ZNF274: variants seen among roughly 807,000 people sequenced by gnomAD.
ZNF274 encodes the protein zinc finger protein 274.
In ZNF274, 23 loss-of-function variants were observed where a neutral mutation model predicts 42.5. That is an observed-to-expected ratio of 0.54 (90% CI 0.39 to 0.77). The LOEUF (loss-of-function observed/expected upper bound fraction) is 0.77, where lower values mean the gene tolerates loss of function less well. ZNF274 is among the 30% of genes least tolerant of loss of function. The pLI is 0.00. For synonymous variants in ZNF274, 292 were observed against 305.4 expected (o/e 0.96, Z 0.46); for missense variants, 679 against 806.5 (o/e 0.84, Z 1.91).
At chr19:58,184,707 A>C (rs899877222) in intron 2 of ZNF274, 1 of 152,132 alleles carries the variant, frequency 6.6e-6, no homozygotes, top group Non-Finnish European at 1.5e-5. Context: ...GGTGAAGGAG[A>C]TAGAAAGAAG....
chr19:58,185,807 G>T lies in ZNF274; in HGVS notation c.129G>T (p.Met43Ile). Residue 43 changes from methionine (M) to isoleucine (I), a missense_variant, in exon 3 of 8, where the codon ATG becomes ATT. Met to Ile is a conservative substitution (Grantham distance 10). Coordinates refer to ENST00000617501, the MANE Select transcript of ZNF274 (RefSeq NM_133502.3). ...LKQKSLYREVMLENYRNLVSV... is the reference protein window; with the variant it reads ...LKQKSLYREVILENYRNLVSV... ...AGAAGTCCCTGTACAGGGAAGTGAT[G>T]CTGGAGAACTACAGGAACCTGGTCT... 1 of 1,421,086 alleles carries T rather than the reference G, an allele frequency of 7.0e-7. No homozygotes were observed. Among genetic ancestry groups the T allele is most frequent in the Non-Finnish European group, 9.3e-7 (1 of 1,077,610 alleles). The allele number at this position is 1,421,086 out of a possible 1,614,324, so 88.0% of individuals were successfully genotyped here.
intron 5 of ZNF274, chr19:58,209,047 T>C (rs1009468227): frequency 6.6e-6 from 1 of 152,236 alleles, no homozygotes; most frequent in African/African-American, 2.4e-5. Context: ...AAGGAGAATT[T>C]ATTGGAAAAG....
chr19:58,204,025 C>G (rs2075949787), intron 4 of ZNF274, among the ~76,000 whole-genome samples: 1 of 152,206 alleles, frequency 6.6e-6, no homozygotes, highest in Admixed American at 6.5e-5. Flanking sequence ...TGGGCACCTC[C>G]AGCCAAACCT....
At chr19:58,209,442 G>T (rs564700971) in intron 5 of ZNF274, 5 of 152,806 alleles carry the variant, frequency 3.3e-5, no homozygotes, top group African/African-American at 9.6e-5. Context: ...CTTGGGCCAG[G>T]TGGAGCTGTT....
intron 2 of ZNF274, 163 bp downstream of exon 2, chr19:58,184,161 C>T (rs2075667315): frequency 5.4e-6 from 4 of 742,546 alleles, no homozygotes; most frequent in African/African-American, 1.8e-5. Flanking sequence ...ATGGTGGAAC[C>T]GCAGGTTGCT....
chr19:58,212,150 A>T lies in ZNF274; in HGVS notation c.980-11A>T, dbSNP rs769544872. 3.2e-6 allele frequency: 5 copies of T among 1,587,250 alleles called. No homozygotes were observed. The highest frequency in any genetic ancestry group is 4.3e-6 in the Non-Finnish European group (5 of 1,172,594). On this transcript the variant is annotated splice_polypyrimidine_tract_variant and intron_variant, in intron 7 of 7. Transcript: ENST00000617501. The surrounding 1 kb of genome is among the most constrained non-coding windows in gnomAD (Gnocchi z 4.6). The stretch of plus-strand genomic sequence containing the variant: ...TCTATGGGATCCACATCTTTTGTTT[A>T]TTTTTTTCAGGGTGGGAGACTACAC...
chr19:58,211,232 A>G lies in ZNF274; in HGVS notation c.853-328A>G, dbSNP rs966553154. On this transcript the variant is annotated intron_variant, in intron 6 of 7. Coordinates refer to ENST00000617501, the MANE Select transcript of ZNF274 (RefSeq NM_133502.3). This position sits in a 1 kb window ranked among gnomAD's most constrained non-coding sequence, Gnocchi z 4.8. ...CATTTCCACCAAGTGGGAAGACAGT[A>G]TTAATAGATGGAGAACCCTCTGCAG... 1 of 208,452 alleles carries G rather than the reference A, an allele frequency of 4.8e-6. No homozygotes were observed. Among genetic ancestry groups the G allele is most frequent in the Non-Finnish European group, 9.6e-6 (1 of 104,534 alleles). 12.9% of individuals were successfully genotyped at this position (208,452 alleles called of 1,614,324 possible).
chr19:58,209,621 C>CT (rs3830272), intron 5 of ZNF274: 96,323 of 190,654 alleles, frequency 0.51, 26,420 homozygotes, highest in Non-Finnish European at 0.59. Flanking sequence ...GGCTTTGACT[C>CT]TAAGGAGGGG....
At chr19:58,188,448 C>T (rs113840306) in intron 4 of ZNF274, among the ~76,000 whole-genome samples, 2,800 of 150,462 alleles carry the variant, frequency 0.019, 87 homozygotes, top group Admixed American at 0.069. Context: ...TGGTGAAACC[C>T]CATCTCTACT....
intron 4 of ZNF274, among the ~76,000 whole-genome samples, chr19:58,192,423 A>C (rs1367610794): frequency 2.0e-5 from 3 of 152,200 alleles, no homozygotes; most frequent in Non-Finnish European, 4.4e-5. Context: ...AGGTGGACTC[A>C]GTGGACCTAG....
In ZNF274 at chr19:58,183,879, A is replaced by T. The variant is rs2075662096; in HGVS notation, c.-45-42A>T. The T allele has an allele frequency of 3.6e-6, 5 of 1,376,600 alleles. No homozygotes were observed. In the East Asian group the frequency reaches 7.5e-5, roughly 21 times the overall value. 85.3% of individuals were successfully genotyped at this position (1,376,600 alleles called of 1,614,324 possible). On this transcript the variant is annotated intron_variant, in intron 1 of 7. Transcript: ENST00000617501. ...AGGCTGCGGTAGCTCCCCAGCGGAC[A>T]CCTTAAGCCTCTCCCTCCCCTCCCA...
intron 3 of ZNF274, 61 bp from the exon 4 acceptor site, chr19:58,186,886 A>C: frequency 2.1e-6 from 3 of 1,443,790 alleles, no homozygotes; most frequent in Non-Finnish European, 1.9e-6. Context: ...GTGCTGCAGT[A>C]GGATAGCATT....
intron 4 of ZNF274, among the ~76,000 whole-genome samples, chr19:58,199,828 C>T (rs543761246): frequency 1.8e-4 from 27 of 152,312 alleles, no homozygotes; most frequent in African/African-American, 6.3e-4. Context: ...AAAGAATGAG[C>T]AGGACCTATT....
At position 58,212,554 on chromosome 19, in the gene ZNF274, A is replaced by G. The variant is rs535960958; in HGVS notation, c.1373A>G (p.Lys458Arg). 1 of 1,614,068 alleles carries G rather than the reference A, an allele frequency of 6.2e-7. No homozygotes were observed. The highest frequency in any genetic ancestry group is 1.3e-5 in the African/African-American group (1 of 75,068). Residue 458 changes from lysine (K) to arginine (R), a missense_variant, in exon 8 of 8, where the codon AAA becomes AGA. By Grantham distance (26) the Lys-to-Arg change is conservative (BLOSUM62 2). Around this residue, in one of 2 missense-constraint regions of ZNF274, gnomAD observed 456 missense variants for 590.1 expected, o/e 0.77. Transcript: ENST00000617501. The surrounding 1 kb of genome is among the most constrained non-coding windows in gnomAD (Gnocchi z 4.6). ...TTGCGCAAACGTGACTCACAAGTTA[A>G]AAGTATGAAACATAATTCACGTGTA... ...KRLRKRDSQV[K>R]SMKHNSRVKI...
intron 2 of ZNF274, 117 bp downstream of exon 2, chr19:58,184,115 G>A (rs2075666605): frequency 1.6e-6 from 2 of 1,217,898 alleles, no homozygotes; most frequent in South Asian, 1.4e-5. Context: ...CTCGGGGAGG[G>A]GGTAGAGATT....
intron 4 of ZNF274, among the ~76,000 whole-genome samples, chr19:58,200,606 C>T (rs73939492): frequency 2.7e-5 from 4 of 148,364 alleles, no homozygotes; most frequent in African/African-American, 1.1e-4. Flanking sequence ...GTGAACCAGG[C>T]GAAGATGTTG....
At chr19:58,209,926 C>T (rs1310353199) in intron 5 of ZNF274, 35 bp from the exon 6 acceptor site, 3 of 1,551,196 alleles carry the variant, frequency 1.9e-6, no homozygotes, top group Admixed American at 3.5e-5. Flanking sequence ...GGTCCCCACA[C>T]CTGCTGACCT....
rs189226998 is a variant in ZNF274, at chr19:58,187,179, A to G, written c.256+137A>G. 2.1e-5 allele frequency: 15 copies of G among 700,384 alleles called. No homozygotes were observed. In the East Asian group the frequency reaches 3.3e-4, roughly 15 times the overall value. The allele number at this position is 700,384 out of a possible 1,614,324, so 43.4% of individuals were successfully genotyped here. A position where few individuals can be genotyped will look rare whatever the true frequency, so the allele number is the denominator to read the frequency against. ...TGAGCAGTTGCAGAACCAAACTCGA[A>G]GTTTTTCTCTGGCTCCACAGTCAGC... On this transcript the variant is annotated intron_variant, in intron 4 of 7. Transcript: ENST00000617501.
At chr19:58,200,076 T>G (rs1168170871) in intron 4 of ZNF274, among the ~76,000 whole-genome samples, 3 of 152,350 alleles carry the variant, frequency 2.0e-5, no homozygotes, top group Middle Eastern at 3.4e-3. Flanking sequence ...ATGTGTGCTT[T>G]CATGTTGCAA....
Sources: allele counts gnomAD v4.1 joint callset (sites outside exome capture counted in the v4.1 genomes callset), GRCh38; gene constraint gnomAD v4.1.1; regional missense constraint gnomAD v4.1.1; non-coding constraint Gnocchi (gnomAD v3.1); transcripts MANE v1.5; gene names NCBI Gene and HGNC (gene_info 2026-07-23, HGNC 2026-07-21).